Variants in ADAM7 observed in about 807,000 individuals in gnomAD.
The protein encoded by ADAM7 is ADAM metallopeptidase domain 7, also known as disintegrin and metalloproteinase domain-containing protein 7.
Under a neutral mutation model 102.9 loss-of-function variants are expected in ADAM7, and 97 were observed. The observed-to-expected ratio is 0.94, with a 90% CI of 0.80 to 1.12. The LOEUF is 1.12. Among genes scored for constraint, ADAM7 ranks in the 50% most tolerant of loss-of-function variants. The pLI is 0.00. For missense variants in ADAM7, 991 were observed against 908.7 expected (o/e 1.09, Z -1.16); for synonymous variants, 334 against 304.4 (o/e 1.10, Z -1.01).
Position 24,493,083 on chromosome 8 carries a change from C to A in ADAM7, c.1696C>A (p.Leu566Ile). 1 of 1,609,900 alleles carries A rather than the reference C, an allele frequency of 6.2e-7. No homozygotes were observed. The highest frequency in any genetic ancestry group is 8.5e-7 in the Non-Finnish European group (1 of 1,178,322). The change falls in exon 16 of 22, where the codon CTT becomes ATT. Residue 566 changes from leucine to isoleucine, a missense_variant. Coordinates refer to ENST00000175238, the MANE Select transcript of ADAM7 (RefSeq NM_003817.4). ...CGKIYCTGGE[L>I]SSLLGEDKTY... ...AAAGATCTACTGCACTGGAGGGGAGCTTTCCTCTCTCCTTGGAGAAGACAA... is the reference window on the plus strand; with the variant it reads ...AAAGATCTACTGCACTGGAGGGGAGATTTCCTCTCTCCTTGGAGAAGACAA...
At chr8:24,444,711 C>G (rs1281210235) in intron 2 of ADAM7, among the ~76,000 whole-genome samples, 3 of 151,118 alleles carry the variant, frequency 2.0e-5, no homozygotes, top group Admixed American at 1.3e-4. Context: ...AACGAAAAAA[C>G]CTGAGAAACT....
chr8:24,509,365 G>A lies in ADAM7; in HGVS notation c.*819G>A. 1 of 985,346 alleles carries A rather than the reference G, an allele frequency of 1.0e-6. No homozygotes were observed. The highest frequency in any genetic ancestry group is 1.2e-6 in the Non-Finnish European group (1 of 829,934). 61.0% of individuals were successfully genotyped at this position (985,346 alleles called of 1,614,324 possible). On this transcript the variant is annotated 3_prime_UTR_variant, in exon 22 of 22. Transcript: ENST00000175238. ...CCCTATCCGTTTGTTATGGGATGGG[G>A]GATTACCCTGGGAATGATTTCAGCT...
At position 24,452,641 on chromosome 8, in the gene ADAM7, T is replaced by C. The variant is rs1175879589; in HGVS notation, c.233+5379T>C. On this transcript the variant is annotated intron_variant, in intron 3 of 21. Coordinates refer to ENST00000175238, the MANE Select transcript of ADAM7 (RefSeq NM_003817.4). ...TGTGTCTTTTAATTGGAGCATTTAG[T>C]CCATTTACATTTAAAGTTAATATTG... 2.8e-3 allele frequency among the ~76,000 whole-genome samples: 416 copies of C among 148,984 alleles called. 2 individuals are homozygous for C. Among genetic ancestry groups the C allele is most frequent in the African/African-American group, 9.9e-3 (401 of 40,674 alleles).
intron 12 of ADAM7, 159 bp from the exon 13 acceptor site, chr8:24,490,640 A>G (rs2129391656): frequency 1.5e-6 from 1 of 648,366 alleles, no homozygotes; most frequent in South Asian, 2.1e-5. Context: ...AGTCCCAAAT[A>G]CCCGTTCTAA....
At position 24,497,787 on chromosome 8, in the gene ADAM7, G is replaced by A. The variant is rs1820610306; in HGVS notation, c.1843-1449G>A. Among the ~76,000 whole-genome samples the A allele has an allele frequency of 4.6e-5, 7 of 152,144 alleles. No homozygotes were observed. The South Asian group carries it at 1.5e-3, about 32-fold the overall frequency. ...TCATGCCTTGAATGTCAAAAATAAA[G>A]AATACATGCCATAAGCACAAAAGAG... On this transcript the variant is annotated intron_variant, in intron 16 of 21. Coordinates refer to ENST00000175238, the MANE Select transcript of ADAM7 (RefSeq NM_003817.4).
intron 20 of ADAM7, chr8:24,506,059 A>G (rs1398112755): frequency 6.8e-7 from 1 of 1,469,174 alleles, no homozygotes; most frequent in Admixed American, 2.0e-5. Flanking sequence ...ATTTACTAGG[A>G]ATTGCAGGTT....
chr8:24,467,800 C>T (rs1374798138), intron 6 of ADAM7, among the ~76,000 whole-genome samples: 1 of 152,132 alleles, frequency 6.6e-6, no homozygotes, highest in East Asian at 1.9e-4. Flanking sequence ...CATGGTGGCT[C>T]ATGCCTGTAA....
chr8:24,483,779 T>C lies in ADAM7; in HGVS notation c.875+1468T>C, dbSNP rs10100808. Reference sequence around the variant, plus strand: ...GCAAGATTAACTCCTTTGCCCTCTCTTTATACATGTATTTTTTAATACTTA... The same window carrying C: ...GCAAGATTAACTCCTTTGCCCTCTCCTTATACATGTATTTTTTAATACTTA... On this transcript the variant is annotated intron_variant, in intron 9 of 21. Transcript: ENST00000175238. 5.0e-3 allele frequency among the ~76,000 whole-genome samples: 767 copies of C among 152,280 alleles called. 8 individuals carry two copies. Among genetic ancestry groups the C allele is most frequent in the African/African-American group, 0.018 (731 of 41,556 alleles).
intron 3 of ADAM7, among the ~76,000 whole-genome samples, chr8:24,463,449 A>C (rs985940673): frequency 2.0e-5 from 3 of 152,126 alleles, no homozygotes; most frequent in African/African-American, 7.2e-5. Flanking sequence ...ATTTATTATA[A>C]TTAATACATA....
In ADAM7 at chr8:24,444,703, C is replaced by T. The variant is rs555650288; in HGVS notation, c.156+2127C>T. Reference sequence around the variant, plus strand: ...TCGTAAAAAAAAAAACACAAAAAAACGAAAAAACCTGAGAAACTGTGAGAC... The same window carrying T: ...TCGTAAAAAAAAAAACACAAAAAAATGAAAAAACCTGAGAAACTGTGAGAC... On this transcript the variant is annotated intron_variant, in intron 2 of 21. Coordinates refer to ENST00000175238, the MANE Select transcript of ADAM7 (RefSeq NM_003817.4). Among the ~76,000 whole-genome samples the T allele has an allele frequency of 3.3e-4, 49 of 150,658 alleles. 1 individual carries two copies. Among genetic ancestry groups the T allele is most frequent in the Non-Finnish European group, 5.8e-4 (39 of 67,652 alleles).
At chr8:24,468,639 A>G in intron 6 of ADAM7, 128 bp from the exon 7 acceptor site, 1 of 739,352 alleles carries the variant, frequency 1.4e-6, no homozygotes. Flanking sequence ...ATATATTCAT[A>G]TGCCTCCCCA....
At chr8:24,470,681 TCA>T (rs1470399483) in intron 7 of ADAM7, among the ~76,000 whole-genome samples, 1 of 152,168 alleles carries the variant, frequency 6.6e-6, no homozygotes, top group Non-Finnish European at 1.5e-5. Flanking sequence ...AGTGCTTCAC[TCA>T]TGTGTCTGTG....
At chr8:24,446,567 A>C (rs933362207) in intron 2 of ADAM7, among the ~76,000 whole-genome samples, 8 of 152,158 alleles carry the variant, frequency 5.3e-5, no homozygotes, top group Admixed American at 5.2e-4. Flanking sequence ...TAGTAAATAT[A>C]GATTAAATAA....
chr8:24,480,872 CCAACAACAA>C (rs755718029), intron 8 of ADAM7, among the ~76,000 whole-genome samples: 18 of 151,554 alleles, frequency 1.2e-4, no homozygotes, highest in Non-Finnish European at 2.5e-4. Context: ...AGACATCGTC[CCAACAACAA>C]CAACAACAAC....
chr8:24,461,123 G>T (rs1291380232), intron 3 of ADAM7, among the ~76,000 whole-genome samples: 4 of 152,024 alleles, frequency 2.6e-5, no homozygotes, highest in African/African-American at 9.7e-5. Context: ...CTCCTGAGTA[G>T]CTGGGACTAC....
intron 12 of ADAM7, chr8:24,490,549 A>C (rs1320529752): frequency 2.5e-6 from 1 of 402,222 alleles, no homozygotes; most frequent in Non-Finnish European, 4.5e-6. Flanking sequence ...AAGATTATAA[A>C]TGTTGGACTC....
intron 7 of ADAM7, among the ~76,000 whole-genome samples, chr8:24,470,204 T>C (rs1257776788): frequency 6.6e-6 from 1 of 152,046 alleles, no homozygotes; most frequent in Non-Finnish European, 1.5e-5. Flanking sequence ...GAAGATACAG[T>C]TTCTAGAAAG....
At chr8:24,475,478 A>G (rs1819737053) in intron 7 of ADAM7, among the ~76,000 whole-genome samples, 1 of 152,194 alleles carries the variant, frequency 6.6e-6, no homozygotes, top group Non-Finnish European at 1.5e-5. Flanking sequence ...GAAGATGACC[A>G]GAAAGGAAAA....
chr8:24,498,988 A>G (rs1330634837), intron 16 of ADAM7, among the ~76,000 whole-genome samples: 1 of 152,090 alleles, frequency 6.6e-6, no homozygotes, highest in Non-Finnish European at 1.5e-5. Context: ...TAATGAGTTT[A>G]AAATATTTCT....
Sources: allele counts gnomAD v4.1 joint callset (sites outside exome capture counted in the v4.1 genomes callset), GRCh38; gene constraint gnomAD v4.1.1; transcripts MANE v1.5; gene names NCBI Gene and HGNC (gene_info 2026-07-23, HGNC 2026-07-21).